Variants in SEC16B observed in about 807,000 individuals in gnomAD.
The protein encoded by SEC16B is SEC16 homolog B, endoplasmic reticulum export factor.
SEC16B carries 115 observed loss-of-function variants against 141.8 expected under a neutral mutation model. That is an observed-to-expected ratio of 0.81 (90% CI 0.70 to 0.95). SEC16B has a LOEUF of 0.95. Among genes scored for constraint, SEC16B ranks in the 40% least tolerant of loss-of-function variants. The pLI is 0.00. For synonymous variants in SEC16B, 493 were observed against 492.5 expected (o/e 1.00, Z -0.01); for missense variants, 1,291 against 1,312.3 (o/e 0.98, Z 0.25).
chr1:177,951,674 C>T (rs1194782764), intron 12 of SEC16B, among the ~76,000 whole-genome samples: 2 of 152,236 alleles, frequency 1.3e-5, no homozygotes, highest in African/African-American at 4.8e-5. Context: ...GGTCATCTTA[C>T]ACCTTTGGAG....
chr1:177,970,518 G>A (rs1412220407), upstream of SEC16B, among the ~76,000 whole-genome samples: 2 of 152,178 alleles, frequency 1.3e-5, no homozygotes, highest in Non-Finnish European at 1.5e-5. Context: ...CACTGGTTGA[G>A]GCACATGGGG....
intron 24 of SEC16B, among the ~76,000 whole-genome samples, chr1:177,931,774 C>T (rs1650432295): frequency 6.6e-6 from 1 of 152,178 alleles, no homozygotes; most frequent in African/African-American, 2.4e-5. Context: ...AGGCCTAAAA[C>T]TCTACAAGAG....
rs1007039863 is a variant in SEC16B at position 177,978,730 on chromosome 1, AATAAATAAATAAATAGC to A, written c.-59+5459_-59+5475del. 3.6e-4 allele frequency among the ~76,000 whole-genome samples: 52 copies of A among 145,242 alleles called. 5 individuals carry two copies. The East Asian group carries it at 0.011, about 32-fold the overall frequency. On this transcript the variant is annotated intron_variant and NMD_transcript_variant, in intron 1 of 24. Transcript: ENST00000528461. ...AAATAAATAAATAAATAAATAAATAAATAAATAAATAAATAGCATAGCAGAAAAGTTCATTTCTAGGC... is the reference window on the plus strand; with the variant it reads ...AAATAAATAAATAAATAAATAAATAAATAGCAGAAAAGTTCATTTCTAGGC...
At chr1:177,960,694 G>A in intron 7 of SEC16B, 97 bp downstream of exon 7, 1 of 1,343,832 alleles carries the variant, frequency 7.4e-7, no homozygotes, top group Non-Finnish European at 1.0e-6. Context: ...CATTCCTGGA[G>A]ATGCCCCGGC....
chr1:177,934,914 G>A (rs1650723692), intron 20 of SEC16B, among the ~76,000 whole-genome samples: 1 of 152,078 alleles, frequency 6.6e-6, no homozygotes, highest in East Asian at 1.9e-4. Context: ...CCTTACCATG[G>A]TCGTGGAGGC....
At chr1:177,930,235 C>A (rs1650314219) in intron 25 of SEC16B, among the ~76,000 whole-genome samples, 3 of 152,182 alleles carry the variant, frequency 2.0e-5, no homozygotes, top group African/African-American at 7.2e-5. Flanking sequence ...CAGAGTGACA[C>A]TGCACCCACA....
intron 10 of SEC16B, among the ~76,000 whole-genome samples, chr1:177,956,933 G>T (rs1467116369): frequency 6.6e-6 from 1 of 152,154 alleles, no homozygotes; most frequent in Middle Eastern, 3.2e-3. Flanking sequence ...ATGATGTCGG[G>T]TTAGGTGTAT....
Position 177,937,477 on chromosome 1 carries a change from C to T in SEC16B, c.2240G>A (p.Gly747Asp), listed in dbSNP as rs763746605. ...TFYQDFSGCQ[G>D]YSEAPGYRSA... ...GCGGTACCCAGGGGCTTCAGAGTAG[C>T]CTTGACATCCAGAAAAGTCCTGGTA... The change falls in exon 19 of 26, where the codon GGC (glycine) becomes GAC (aspartate). Residue 747 changes from glycine (G) to aspartate (D), a missense_variant. Around this residue, in one of 3 missense-constraint regions of SEC16B, gnomAD observed 605 missense variants for 614.1 expected, o/e 0.99. Coordinates refer to ENST00000308284, the MANE Select transcript of SEC16B (RefSeq NM_033127.4). 2 of 1,573,900 alleles carry T rather than the reference C, an allele frequency of 1.3e-6. No homozygotes were observed. Among genetic ancestry groups the T allele is most frequent in the Admixed American group, 1.9e-5 (1 of 52,298 alleles).
Position 177,940,628 on chromosome 1 carries a change from T to C in SEC16B, c.2109A>G (p.Gln703=). ...CACTCACCTCCAGCTGCCTCCGAAG[T>C]TGCGCTAGCCAATCTGGCTCCAGGT... ...DRDLEPDWLA[Q]LRRQLEQKVA... Residue 703 remains glutamine (Q), a synonymous_variant, in exon 17 of 26, where the codon CAA becomes CAG. Transcript: ENST00000308284. 6.2e-7 allele frequency: 1 copy of C among 1,613,702 alleles called. No individual in the cohort carries two copies. Among genetic ancestry groups the C allele is most frequent in the Non-Finnish European group, 8.5e-7 (1 of 1,179,728 alleles).
chr1:177,969,385 T>C (rs1288253675), intron 1 of SEC16B, among the ~76,000 whole-genome samples: 1 of 152,160 alleles, frequency 6.6e-6, no homozygotes, highest in Non-Finnish European at 1.5e-5. Context: ...TCTGGCTTCC[T>C]TCCCATATCA....
chr1:177,954,787 A>G (rs1370862091), intron 10 of SEC16B, among the ~76,000 whole-genome samples: 1 of 152,206 alleles, frequency 6.6e-6, no homozygotes. Context: ...GGTAACACAT[A>G]TGTTAACTAG....
intron 1 of SEC16B, among the ~76,000 whole-genome samples, chr1:177,979,139 C>T (rs1386978270): frequency 6.6e-6 from 1 of 152,062 alleles, no homozygotes; most frequent in Non-Finnish European, 1.5e-5. Context: ...TAGTAATAGC[C>T]ATGTAATATA....
intron 4 of SEC16B, among the ~76,000 whole-genome samples, chr1:177,964,753 T>C (rs972556512): frequency 6.6e-6 from 1 of 152,174 alleles, no homozygotes; most frequent in Admixed American, 6.5e-5. Context: ...CCATATCTGT[T>C]CTAAGGCCAA....
intron 22 of SEC16B, 96 bp downstream of exon 22, chr1:177,933,118 G>T: frequency 1.0e-6 from 1 of 969,982 alleles, no homozygotes; most frequent in Non-Finnish European, 1.6e-6. Flanking sequence ...GCCTGGGGTA[G>T]ACTCAGGTGC....
Position 177,929,411 on chromosome 1 carries a change from G to A in SEC16B, c.*447C>T, listed in dbSNP as rs1225464215. On this transcript the variant is annotated 3_prime_UTR_variant, in exon 26 of 26. Coordinates refer to ENST00000308284, the MANE Select transcript of SEC16B (RefSeq NM_033127.4). ...CTTTGCTAAATAGAGCCATGTATTG[G>A]TCTATTACTAAGACAGGAAGTAGTC... The A allele has an allele frequency of 5.6e-6, 1 of 179,190 alleles. No homozygotes were observed. The highest frequency in any genetic ancestry group is 2.3e-5 in the African/African-American group (1 of 42,730). 11.1% of individuals were successfully genotyped at this position (179,190 alleles called of 1,614,324 possible).
chr1:177,979,172 G>T (rs1043064172), intron 1 of SEC16B, among the ~76,000 whole-genome samples: 3 of 152,100 alleles, frequency 2.0e-5, no homozygotes, highest in Admixed American at 1.3e-4. Context: ...ACACAAAAAT[G>T]CAATTATTTA....
Position 177,937,524 on chromosome 1 carries a change from G to C in SEC16B, c.2204-11C>G, listed in dbSNP as rs768695137. On this transcript the variant is annotated splice_polypyrimidine_tract_variant and intron_variant, in intron 18 of 25. Transcript: ENST00000308284. ...GGTAGAAAGTGTTTTCTAAGGACGT[G>C]GAACAAAGGTAAAGAAGTCAGACCT... The C allele has an allele frequency of 6.6e-7, 1 of 1,505,344 alleles. No homozygotes were observed. Among genetic ancestry groups the C allele is most frequent in the Non-Finnish European group, 8.9e-7 (1 of 1,126,702 alleles). The allele number at this position is 1,505,344 out of a possible 1,614,324, so 93.2% of individuals were successfully genotyped here.
intron 7 of SEC16B, 124 bp downstream of exon 7, chr1:177,960,667 T>A: frequency 9.1e-7 from 1 of 1,104,818 alleles, no homozygotes; most frequent in Non-Finnish European, 1.3e-6. Flanking sequence ...ATGGCCCAGT[T>A]TCCCGCAAGA....
chr1:177,975,530 T>A (rs528714650), intron 1 of SEC16B, among the ~76,000 whole-genome samples: 1 of 152,186 alleles, frequency 6.6e-6, no homozygotes, highest in Admixed American at 6.5e-5. Flanking sequence ...CAGACACAAA[T>A]TATCTGCATA....
Sources: gnomAD v4.1 joint callset for allele counts (sites outside exome capture counted in the v4.1 genomes callset) on GRCh38, gnomAD v4.1.1 for gene constraint, gnomAD v4.1.1 regional missense constraint, MANE v1.5 for transcripts, NCBI Gene and HGNC (gene_info 2026-07-23, HGNC 2026-07-21) for gene names.